The following TTC7B variants were observed in gnomAD, a reference collection of about 807,000 sequenced individuals.
TTC7B encodes tetratricopeptide repeat domain 7B, also known as tetratricopeptide repeat protein 7B.
In TTC7B, 28 loss-of-function variants were observed where a neutral mutation model predicts 106.8. The ratio of observed to expected loss-of-function variants is 0.26; its 90% CI spans 0.19 to 0.36. The LOEUF is 0.36. Ranked by LOEUF, TTC7B falls within the 10% of genes least tolerant of loss-of-function variation. The pLI is 1.00. For synonymous variants in TTC7B, 405 were observed against 430.6 expected (o/e 0.94, Z 0.74); for missense variants, 862 against 1,076.4 (o/e 0.80, Z 2.79).
In TTC7B at chr14:90,534,642, G is replaced by C. The variant is rs1343244720; in HGVS notation, c.*6726C>G. 1 of 152,536 alleles carries C rather than the reference G, an allele frequency of 6.6e-6. No individual in the cohort carries two copies. The highest frequency in any genetic ancestry group is 1.5e-5 in the Non-Finnish European group (1 of 68,284). 9.4% of individuals were successfully genotyped at this position (152,536 alleles called of 1,614,324 possible). On this transcript the variant is annotated 3_prime_UTR_variant, in exon 20 of 20. Transcript: ENST00000328459. ...TGGCGATATGGAGAGAGGGGGCCGA[G>C]TGGCAGGGGCCGAGCGCTGGGAGGG...
rs117729769 is a variant in TTC7B, at chr14:90,635,052, C to T, written c.1751+8996G>A. ...AACAACTACAAAAGGAGCAAGATCA[C>T]TTGTGCTCCTTTTGTCATTGAGGAG... On this transcript the variant is annotated intron_variant, in intron 15 of 19. Transcript: ENST00000328459. Among the ~76,000 whole-genome samples the T allele has an allele frequency of 2.9e-3, 445 of 152,282 alleles. 1 individual carries two copies. The highest frequency in any genetic ancestry group is 5.5e-3 in the Non-Finnish European group (377 of 68,022).
intron 4 of TTC7B, among the ~76,000 whole-genome samples, chr14:90,732,809 G>A (rs974832097): frequency 1.3e-5 from 2 of 152,080 alleles, no homozygotes; most frequent in Non-Finnish European, 2.9e-5. Flanking sequence ...AATCCAATCT[G>A]GATTATGTTG....
At chr14:90,541,696 A>G (rs542393687) in intron 19 of TTC7B, 107 bp from the exon 20 acceptor site, 3 of 881,168 alleles carry the variant, frequency 3.4e-6, no homozygotes, top group Admixed American at 6.2e-5. Flanking sequence ...CCGGGAATAT[A>G]TCGCCATTGG....
chr14:90,686,894 C>T (rs1887269941), intron 7 of TTC7B, among the ~76,000 whole-genome samples: 1 of 151,994 alleles, frequency 6.6e-6, no homozygotes, highest in African/African-American at 2.4e-5. Flanking sequence ...AAAGATATCT[C>T]ATGTTCATGG....
chr14:90,659,195 G>A (rs887148414), intron 9 of TTC7B, among the ~76,000 whole-genome samples: 4 of 151,336 alleles, frequency 2.6e-5, no homozygotes, highest in Admixed American at 1.3e-4. Context: ...GAAGGCCCTT[G>A]TGTATGCACG....
intron 3 of TTC7B, among the ~76,000 whole-genome samples, chr14:90,768,059 A>G (rs1737886589): frequency 6.6e-6 from 1 of 152,244 alleles, no homozygotes; most frequent in Non-Finnish European, 1.5e-5. Flanking sequence ...CTTAAAAGCA[A>G]CAAGAAGCAA....
chr14:90,758,934 G>A (rs955341828), intron 3 of TTC7B, among the ~76,000 whole-genome samples: 3 of 152,164 alleles, frequency 2.0e-5, no homozygotes, highest in Non-Finnish European at 4.4e-5. Context: ...GTGTCTAGAA[G>A]GAATTATTTT....
chr14:90,605,555 C>A (rs1172419454), intron 17 of TTC7B: 1 of 1,220,524 alleles, frequency 8.2e-7, no homozygotes, highest in Admixed American at 3.0e-5. Context: ...GTAAAACACG[C>A]AAATGAAGTA....
intron 3 of TTC7B, among the ~76,000 whole-genome samples, chr14:90,758,257 C>T (rs971221804): frequency 6.9e-6 from 1 of 144,014 alleles, no homozygotes; most frequent in Non-Finnish European, 1.5e-5. Context: ...CCGGTGGCCG[C>T]GGCAGGAACC....
At chr14:90,706,587 T>C (rs545526861) in intron 5 of TTC7B, among the ~76,000 whole-genome samples, 6 of 152,360 alleles carry the variant, frequency 3.9e-5, no homozygotes, top group African/African-American at 1.4e-4. Context: ...TTAGAACTCA[T>C]GAACTTAAGC....
Position 90,575,060 on chromosome 14 carries a change from G to A in TTC7B, c.2310+3046C>T, listed in dbSNP as rs769323969. Among the ~76,000 whole-genome samples the A allele has an allele frequency of 1.4e-4, 21 of 152,066 alleles. No individual in the cohort carries two copies. The highest frequency in any genetic ancestry group is 2.1e-4 in the Non-Finnish European group (14 of 68,014). The stretch of plus-strand genomic sequence containing the variant: ...ACTGTCAACGCTCAGCTCTGTTTCC[G>A]CCACTCTCCGCCACACAGGTCGGGG... On this transcript the variant is annotated intron_variant, in intron 19 of 19. Transcript: ENST00000328459. The surrounding 1 kb of genome is among the most constrained non-coding windows in gnomAD (Gnocchi z 5.2).
At chr14:90,795,473 G>C (rs576664724) in intron 1 of TTC7B, among the ~76,000 whole-genome samples, 281 of 152,358 alleles carry the variant, frequency 1.8e-3, no homozygotes, top group Non-Finnish European at 3.4e-3. Flanking sequence ...AGTGGGGCCA[G>C]AAGTGCAGTT....
chr14:90,769,755 C>T (rs1415331522), intron 3 of TTC7B, among the ~76,000 whole-genome samples: 4 of 151,936 alleles, frequency 2.6e-5, no homozygotes, highest in African/African-American at 4.8e-5. Context: ...GATGACACAG[C>T]GAGACTCTGT....
chr14:90,752,064 A>G (rs1343954242), intron 3 of TTC7B, among the ~76,000 whole-genome samples: 1 of 152,204 alleles, frequency 6.6e-6, no homozygotes, highest in Non-Finnish European at 1.5e-5. Context: ...ATGGGACATC[A>G]CACGGGGAGG....
At chr14:90,737,556 T>C (rs1010839188) in intron 4 of TTC7B, among the ~76,000 whole-genome samples, 2 of 140,926 alleles carry the variant, frequency 1.4e-5, no homozygotes, top group African/African-American at 2.6e-5. Context: ...GTTTTTTTTT[T>C]TTTTTTTTTT....
At chr14:90,748,260 T>A (rs1033256540) in intron 3 of TTC7B, among the ~76,000 whole-genome samples, 14 of 152,226 alleles carry the variant, frequency 9.2e-5, no homozygotes, top group African/African-American at 3.4e-4. Context: ...ATTTTACTTA[T>A]TGGCTTAGTC....
At chr14:90,763,247 C>T (rs9944015) in intron 3 of TTC7B, among the ~76,000 whole-genome samples, 41,536 of 152,082 alleles carry the variant, frequency 0.27, 9,296 homozygotes, top group African/African-American at 0.62. Flanking sequence ...AATCATTCAA[C>T]GTAAAATGCA....
At chr14:90,612,135 C>T (rs542080246) in intron 16 of TTC7B, among the ~76,000 whole-genome samples, 1 of 152,318 alleles carries the variant, frequency 6.6e-6, no homozygotes, top group South Asian at 2.1e-4. Flanking sequence ...CCACAGGAAG[C>T]AGAAGAAAAC....
chr14:90,616,475 C>A (rs541615369), intron 16 of TTC7B, among the ~76,000 whole-genome samples: 1 of 149,668 alleles, frequency 6.7e-6, no homozygotes, highest in Admixed American at 6.6e-5. Context: ...AGCGCCGCGC[C>A]GCTGTTCCTG....
Sources: allele counts gnomAD v4.1 joint callset (sites outside exome capture counted in the v4.1 genomes callset), GRCh38; gene constraint gnomAD v4.1.1; non-coding constraint Gnocchi (gnomAD v3.1); transcripts MANE v1.5; gene names NCBI Gene and HGNC (gene_info 2026-07-23, HGNC 2026-07-21).